The following PCNX2 variants were observed in gnomAD, a reference collection of about 807,000 sequenced individuals.
The protein encoded by PCNX2 is pecanex-like protein 2.
A neutral mutation model predicts 223.8 loss-of-function variants in PCNX2; 168 were observed. The ratio of observed to expected loss-of-function variants is 0.75; its 90% CI spans 0.66 to 0.85. PCNX2 has a LOEUF of 0.85. Among genes scored for constraint, PCNX2 ranks in the 40% least tolerant of loss-of-function variants. The pLI, the probability that PCNX2 is intolerant of heterozygous loss-of-function variation, is 0.00. For synonymous variants in PCNX2, 1,006 were observed against 1,052.6 expected (o/e 0.96, Z 0.86); for missense variants, 2,507 against 2,675.5 (o/e 0.94, Z 1.39).
the PCNX2 span, among the ~76,000 whole-genome samples, chr1:233,308,912 A>C: frequency 6.6e-6 from 1 of 152,214 alleles, no homozygotes; most frequent in South Asian, 2.1e-4. Context: ...CTATAAGTGT[A>C]AATGGCTTTA....
At chr1:233,002,282 G>A (rs114388319) in intron 28 of PCNX2, among the ~76,000 whole-genome samples, 6,406 of 151,918 alleles carry the variant, frequency 0.042, 424 homozygotes, top group African/African-American at 0.14. Context: ...AGGCTTAAGA[G>A]GAAAGATTAA....
intron 23 of PCNX2, chr1:233,089,848 T>C (rs750590498): frequency 8.9e-5 from 116 of 1,304,220 alleles, no homozygotes; most frequent in Admixed American, 8.8e-4. Flanking sequence ...TAGTATTCGT[T>C]GGCTAATTTG....
chr1:233,240,339 A>AT (rs552743231), intron 8 of PCNX2, among the ~76,000 whole-genome samples: 9 of 151,992 alleles, frequency 5.9e-5, no homozygotes, highest in East Asian at 1.9e-4. Context: ...ATTCTCTCTC[A>AT]TTTTTTTTAA....
chr1:232,989,254 A>C lies in PCNX2; in HGVS notation c.5792-2714T>G, dbSNP rs543129218. On this transcript the variant is annotated intron_variant, in intron 32 of 33. Coordinates refer to ENST00000258229, the MANE Select transcript of PCNX2 (RefSeq NM_014801.4). ...CAGATCACGAGGTCAGGAGATCGAGACCATCCTGGCTAACACGGTGAAACC... is the reference window on the plus strand; with the variant it reads ...CAGATCACGAGGTCAGGAGATCGAGCCCATCCTGGCTAACACGGTGAAACC... Among the ~76,000 whole-genome samples the C allele has an allele frequency of 1.8e-4, 27 of 152,256 alleles. 1 individual carries two copies. The East Asian group carries it at 5.2e-3, about 29-fold the overall frequency.
intron 12 of PCNX2, among the ~76,000 whole-genome samples, chr1:233,212,797 T>C (rs763705357): frequency 6.6e-6 from 1 of 152,244 alleles, no homozygotes; most frequent in Non-Finnish European, 1.5e-5. Context: ...TGAATATTAT[T>C]TGAGAACTTT....
chr1:233,071,983 T>C (rs1672878060), intron 23 of PCNX2, among the ~76,000 whole-genome samples: 1 of 152,254 alleles, frequency 6.6e-6, no homozygotes, highest in South Asian at 2.1e-4. Context: ...TGCCCACTTT[T>C]TAATGGGGTT....
At chr1:233,125,777 T>C (rs746400261) in intron 21 of PCNX2, 6 of 152,206 alleles carry the variant, frequency 3.9e-5, no homozygotes, top group Admixed American at 3.9e-4. Context: ...GAACTGCTAG[T>C]GACCACAATT....
intron 3 of PCNX2, 147 bp downstream of exon 3, chr1:233,261,898 C>T: frequency 1.6e-6 from 2 of 1,289,136 alleles, no homozygotes; most frequent in Non-Finnish European, 1.1e-6. Flanking sequence ...AGGCCATTTC[C>T]AGACCCTGGG....
At chr1:233,216,584 T>C (rs1656930342) in intron 12 of PCNX2, among the ~76,000 whole-genome samples, 2 of 152,176 alleles carry the variant, frequency 1.3e-5, no homozygotes, top group Non-Finnish European at 2.9e-5. Flanking sequence ...AACCCTTCTA[T>C]ACTGCTAGGG....
At chr1:233,108,848 G>C (rs1404975334) in intron 21 of PCNX2, among the ~76,000 whole-genome samples, 1 of 152,122 alleles carries the variant, frequency 6.6e-6, no homozygotes, top group Non-Finnish European at 1.5e-5. Context: ...CTGAGACCAA[G>C]GGGTTTCATT....
chr1:233,269,312 C>T lies in PCNX2; in HGVS notation c.154-6149G>A, dbSNP rs1005826284. Among the ~76,000 whole-genome samples the T allele has an allele frequency of 2.6e-5, 4 of 152,250 alleles. No individual in the cohort carries two copies. The South Asian group carries it at 8.3e-4, about 32-fold the overall frequency. ...CCTGGCACATAATAAGCCTAATAAA[C>T]TCAGTTTCCCAGCCCACAGCAGAAA... is the stretch of plus-strand genomic sequence containing the variant. On this transcript the variant is annotated intron_variant, in intron 1 of 33. Transcript: ENST00000258229.
chr1:233,108,156 T>A (rs1350695545), intron 21 of PCNX2, among the ~76,000 whole-genome samples: 1 of 152,212 alleles, frequency 6.6e-6, no homozygotes, highest in Non-Finnish European at 1.5e-5. Context: ...GGCTGCGTTG[T>A]CTGTGGAGGA....
chr1:233,206,598 C>T (rs1035382091), intron 13 of PCNX2, among the ~76,000 whole-genome samples: 20 of 152,226 alleles, frequency 1.3e-4, no homozygotes, highest in Middle Eastern at 3.4e-3. Context: ...AGCAAATATT[C>T]TTGGGCAGGA....
At chr1:233,197,452 C>G (rs1161101975) in intron 15 of PCNX2, among the ~76,000 whole-genome samples, 1 of 152,052 alleles carries the variant, frequency 6.6e-6, no homozygotes, top group Non-Finnish European at 1.5e-5. Context: ...ATGAAGTATA[C>G]CTGGGATCCT....
chr1:233,325,313 A>G, the PCNX2 span, among the ~76,000 whole-genome samples: 2 of 152,214 alleles, frequency 1.3e-5, no homozygotes, highest in East Asian at 1.9e-4. Flanking sequence ...ACGACTTCAG[A>G]GGAGAAAGGA....
At chr1:233,302,499 A>C in the PCNX2 span, among the ~76,000 whole-genome samples, 6 of 151,700 alleles carry the variant, frequency 4.0e-5, no homozygotes, top group Admixed American at 3.9e-4. Flanking sequence ...CAGCTTTTTC[A>C]TCTTCTTTAT....
intron 1 of PCNX2, among the ~76,000 whole-genome samples, chr1:233,274,264 A>C (rs1202611346): frequency 6.6e-6 from 1 of 152,216 alleles, no homozygotes; most frequent in African/African-American, 2.4e-5. Flanking sequence ...CACTACTGAC[A>C]TCTTGGGCCA....
chr1:233,170,747 A>G (rs1218958620), intron 17 of PCNX2, among the ~76,000 whole-genome samples: 3 of 152,188 alleles, frequency 2.0e-5, no homozygotes, highest in Non-Finnish European at 4.4e-5. Context: ...ATAGTATGAC[A>G]TATTAGTCCA....
At chr1:233,309,392 T>C in the PCNX2 span, among the ~76,000 whole-genome samples, 1 of 150,896 alleles carries the variant, frequency 6.6e-6, no homozygotes, top group Non-Finnish European at 1.5e-5. Context: ...AATACAAAAA[T>C]CAGCTGGGCG....
Sources: allele counts gnomAD v4.1 joint callset (sites outside exome capture counted in the v4.1 genomes callset), GRCh38; gene constraint gnomAD v4.1.1; transcripts MANE v1.5; gene names NCBI Gene and HGNC (gene_info 2026-07-23, HGNC 2026-07-21).